The following SPATA13 variants were observed in gnomAD, a reference collection of about 807,000 sequenced individuals.
The protein encoded by SPATA13 is spermatogenesis associated 13, also known as spermatogenesis-associated protein 13.
SPATA13 carries 50 observed loss-of-function variants against 104.0 expected under a neutral mutation model. The ratio of observed to expected loss-of-function variants is 0.48; its 90% CI spans 0.38 to 0.61. SPATA13 has a LOEUF of 0.61. Ranked by LOEUF, SPATA13 falls within the 20% of genes least tolerant of loss-of-function variation. The pLI, the probability that SPATA13 is intolerant of heterozygous loss-of-function variation, is 0.00. For synonymous variants in SPATA13, 606 were observed against 667.5 expected (o/e 0.91, Z 1.42); for missense variants, 1,524 against 1,690.6 (o/e 0.90, Z 1.73).
intron 3 of SPATA13, among the ~76,000 whole-genome samples, chr13:24,036,044 A>G (rs1246306726): frequency 2.0e-5 from 3 of 152,112 alleles, no homozygotes; most frequent in African/African-American, 4.8e-5. Context: ...GAAAGAAAGA[A>G]AAAACCTGAG....
chr13:24,288,886 T>C (rs1210038685), intron 7 of SPATA13, 113 bp from the exon 8 acceptor site: 6 of 899,940 alleles, frequency 6.7e-6, no homozygotes, highest in African/African-American at 1.7e-5. Flanking sequence ...ACTCATAGAG[T>C]CTTTTTAATT....
intron 3 of SPATA13, among the ~76,000 whole-genome samples, chr13:24,035,951 C>T (rs1877663318): frequency 6.6e-6 from 1 of 150,528 alleles, no homozygotes; most frequent in Non-Finnish European, 1.5e-5. Flanking sequence ...GAGGTTGAGG[C>T]CACACTGAGC....
At chr13:24,212,796 G>A (rs1871097535) in intron 1 of SPATA13, among the ~76,000 whole-genome samples, 1 of 152,230 alleles carries the variant, frequency 6.6e-6, no homozygotes, top group Admixed American at 6.5e-5. Flanking sequence ...TCAGCCTCCT[G>A]AATCTTGCTT....
At chr13:24,050,414 G>A (rs1020684222) in intron 3 of SPATA13, among the ~76,000 whole-genome samples, 1 of 152,142 alleles carries the variant, frequency 6.6e-6, no homozygotes. Flanking sequence ...CTTGTTATAA[G>A]AGGAGAGCAT....
intron 5 of SPATA13, among the ~76,000 whole-genome samples, chr13:24,285,439 T>C (rs1339220857): frequency 6.6e-6 from 1 of 152,126 alleles, no homozygotes; most frequent in Non-Finnish European, 1.5e-5. Context: ...AATTCAAGTT[T>C]GCTAGATAAC....
rs537415957 is a variant in SPATA13 at position 24,108,096 on chromosome 13, T to C, written c.-112+90395T>C. 7.9e-5 allele frequency among the ~76,000 whole-genome samples: 12 copies of C among 152,312 alleles called. No homozygotes were observed. In the South Asian group the frequency reaches 2.5e-3, roughly 32 times the overall value. On this transcript the variant is annotated intron_variant, in intron 3 of 14. Transcript: ENST00000424834. ...GCTTCCAAGAGGGGCCTTGCTGCTG[T>C]GCCCTCTGGAGGGGTGAATGCTGTG...
rs1244414787 is a variant in SPATA13 at position 24,136,979 on chromosome 13, G to A, written c.-111-85840G>A. 3.9e-5 allele frequency among the ~76,000 whole-genome samples: 4 copies of A among 102,094 alleles called. 2 individuals carry two copies. Among genetic ancestry groups the A allele is most frequent in the Non-Finnish European group, 4.2e-5 (2 of 47,392 alleles). 67.0% of individuals were successfully genotyped at this position (102,094 alleles called of 152,430 possible). A position where few individuals can be genotyped will look rare whatever the true frequency, so the allele number is the denominator to read the frequency against. ...CGAGTAGCTGGGACTACAGGCGCCC[G>A]CCACTACGCCCGGCTAATTTTTTTG... is the stretch of plus-strand genomic sequence containing the variant. On this transcript the variant is annotated intron_variant, in intron 3 of 14. Transcript: ENST00000424834.
chr13:24,032,306 T>A (rs1482524875), intron 3 of SPATA13, among the ~76,000 whole-genome samples: 1 of 152,202 alleles, frequency 6.6e-6, no homozygotes, highest in African/African-American at 2.4e-5. Flanking sequence ...CTCTCCCCTA[T>A]GGCAATACCA....
At chr13:23,979,921 A>T (rs937713119) in exon 1 of SPATA13, 1 of 152,264 alleles carries the variant, frequency 6.6e-6, no homozygotes, top group African/African-American at 2.4e-5. Flanking sequence ...GGATGCTGAG[A>T]CAGGCAAGTG....
At chr13:24,133,524 A>T (rs764231867) in intron 3 of SPATA13, among the ~76,000 whole-genome samples, 15 of 152,148 alleles carry the variant, frequency 9.9e-5, no homozygotes, top group Non-Finnish European at 1.9e-4. Flanking sequence ...GGTGCTAGGG[A>T]TGCCTGAAGA....
chr13:24,067,892 T>TG (rs1169338745), intron 3 of SPATA13, among the ~76,000 whole-genome samples: 1 of 152,154 alleles, frequency 6.6e-6, no homozygotes, highest in Non-Finnish European at 1.5e-5. Context: ...TTAGTAGACA[T>TG]GGGGTTTCAC....
At chr13:24,010,225 C>G (rs1876407140) in intron 2 of SPATA13, among the ~76,000 whole-genome samples, 1 of 152,286 alleles carries the variant, frequency 6.6e-6, no homozygotes, top group South Asian at 2.1e-4. Context: ...GTAGTCGCTT[C>G]TTAGTCTGGC....
chr13:24,024,933 C>CAT (rs1191488102), intron 3 of SPATA13, among the ~76,000 whole-genome samples: 3 of 147,240 alleles, frequency 2.0e-5, no homozygotes, highest in South Asian at 2.1e-4. Context: ...CATTCAAATT[C>CAT]ATATATATAT....
intron 3 of SPATA13, among the ~76,000 whole-genome samples, chr13:24,040,811 C>T (rs1038376249): frequency 3.3e-5 from 5 of 152,160 alleles, no homozygotes; most frequent in South Asian, 2.1e-4. Context: ...TGTTTGCTGT[C>T]GTTCCTTTAT....
intron 1 of SPATA13, among the ~76,000 whole-genome samples, chr13:24,199,798 AT>A (rs1341242908): frequency 3.3e-5 from 5 of 152,348 alleles, no homozygotes; most frequent in African/African-American, 1.2e-4. Flanking sequence ...TCTTATTCAA[AT>A]AAATTGCTTT....
chr13:24,286,522 A>T lies in SPATA13; in HGVS notation c.2481+129A>T, dbSNP rs1875959064. 1 of 1,088,098 alleles carries T rather than the reference A, an allele frequency of 9.2e-7. No individual in the cohort carries two copies. Among genetic ancestry groups the T allele is most frequent in the African/African-American group, 1.6e-5 (1 of 62,698 alleles). The allele number at this position is 1,088,098 out of a possible 1,614,324, so 67.4% of individuals were successfully genotyped here. On this transcript the variant is annotated intron_variant, in intron 6 of 12. Coordinates refer to ENST00000382108, the MANE Select transcript of SPATA13 (RefSeq NM_001166271.3). The surrounding 1 kb of genome is among the most constrained non-coding windows in gnomAD (Gnocchi z 4.9). ...TATCTGACATGCAAGTCACACCTGTAAGAAATTAGGCTGGGTCGGAGCAAA... is the reference window on the plus strand; with the variant it reads ...TATCTGACATGCAAGTCACACCTGTTAGAAATTAGGCTGGGTCGGAGCAAA...
intron 2 of SPATA13, among the ~76,000 whole-genome samples, chr13:24,235,443 T>G (rs1466303649): frequency 1.3e-5 from 2 of 152,188 alleles, no homozygotes; most frequent in Non-Finnish European, 1.5e-5. Context: ...TGTAAAAACT[T>G]TTCAAGCAAG....
At chr13:24,032,630 G>T in intron 3 of SPATA13, among the ~76,000 whole-genome samples, 1 of 152,196 alleles carries the variant, frequency 6.6e-6, no homozygotes, top group South Asian at 2.1e-4. Context: ...GATTTTGGTT[G>T]AAAATAAGGC....
At chr13:24,200,412 T>G (rs1441338021) in intron 1 of SPATA13, among the ~76,000 whole-genome samples, 1 of 152,124 alleles carries the variant, frequency 6.6e-6, no homozygotes, top group Non-Finnish European at 1.5e-5. Context: ...GAGTACAGCA[T>G]GTAAGGACAA....
Sources: gnomAD v4.1 joint callset for allele counts (sites outside exome capture counted in the v4.1 genomes callset) on GRCh38, gnomAD v4.1.1 for gene constraint, Gnocchi (gnomAD v3.1) non-coding constraint, MANE v1.5 for transcripts, NCBI Gene and HGNC (gene_info 2026-07-23, HGNC 2026-07-21) for gene names.